Variants in FBXO46 observed in about 807,000 individuals in gnomAD.
FBXO46 encodes the protein F-box protein 46.
In FBXO46, 13 loss-of-function variants were observed where a neutral mutation model predicts 30.7. The observed-to-expected ratio is 0.42, with a 90% CI of 0.28 to 0.67. The LOEUF is 0.67. Among genes scored for constraint, FBXO46 ranks in the 30% least tolerant of loss-of-function variants. The pLI, the probability that FBXO46 is intolerant of heterozygous loss-of-function variation, is 0.21. For synonymous variants in FBXO46, 467 were observed against 385.8 expected, an observed-to-expected ratio of 1.21 and a Z score of -2.47; for missense variants, 754 against 871.5, an observed-to-expected ratio of 0.87 and a Z score of 1.70.
rs1427489160 is a variant in FBXO46 at position 45,712,925 on chromosome 19, GGTA to G, written c.568_570del (p.Tyr190del). 6.2e-7 allele frequency: 1 copy of G among 1,606,270 alleles called. No individual in the cohort carries two copies. Among genetic ancestry groups the G allele is most frequent in the Non-Finnish European group, 8.5e-7 (1 of 1,176,820 alleles). On this transcript the variant is annotated inframe_deletion, in exon 2 of 2. Coordinates refer to ENST00000317683, the MANE Select transcript of FBXO46 (RefSeq NM_001080469.2). This position sits in a 1 kb window ranked among gnomAD's most constrained non-coding sequence, Gnocchi z 8.8. Reference sequence around the variant, plus strand: ...ACAGGCGCTGGGGTGGTCGGTCGTGGGTAGCTCTGCAGGGCCAGGGCTGCCCGC... The same window carrying G: ...ACAGGCGCTGGGGTGGTCGGTCGTGGGCTCTGCAGGGCCAGGGCTGCCCGC...
upstream of FBXO46, chr19:45,730,945 G>T (rs1221212645): frequency 6.6e-6 from 1 of 152,148 alleles, no homozygotes; most frequent in African/African-American, 2.4e-5. Context: ...AGCCCGCTGG[G>T]AATTGAAGTC....
chr19:45,712,290 C>T lies in FBXO46; in HGVS notation c.1206G>A (p.Pro402=), dbSNP rs1480661103. ...TVCLTVSPEE[P]PPPGQLFFLQ... The stretch of plus-strand genomic sequence containing the variant: ...GAAAGAAGAGCTGGCCCGGAGGCGG[C>T]GGTTCCTCCGGGCTGACCGTCAGGC... The change falls in exon 2 of 2, where the codon CCG becomes CCA. Residue 402 remains proline, a synonymous_variant. Transcript: ENST00000317683. The surrounding 1 kb of genome is among the most constrained non-coding windows in gnomAD (Gnocchi z 8.8). The T allele has an allele frequency of 1.2e-6, 2 of 1,602,670 alleles. No individual in the cohort carries two copies. Among genetic ancestry groups the T allele is most frequent in the South Asian group, 1.1e-5 (1 of 91,080 alleles).
At position 45,712,732 on chromosome 19, in the gene FBXO46, C is replaced by T. The variant is rs765959790; in HGVS notation, c.764G>A (p.Gly255Asp). The change falls in exon 2 of 2, where the codon GGC becomes GAC. Residue 255 changes from glycine to aspartate, a missense_variant. This residue lies in a region of FBXO46 where 454 missense variants were observed against 426.5 expected (regional missense o/e 1.06). Transcript: ENST00000317683. The surrounding 1 kb of genome is among the most constrained non-coding windows in gnomAD (Gnocchi z 8.8). Reference sequence around the variant, plus strand: ...GAAGGCGATGCGCACCTCCCCAGGGCCTGGCCCGGGCCGCTCTTCCTTGCG... The same window carrying T: ...GAAGGCGATGCGCACCTCCCCAGGGTCTGGCCCGGGCCGCTCTTCCTTGCG... ...GLRKEERPGP[G>D]PGEVRIAFRI... is the part of the protein sequence containing the mutation. The T allele has an allele frequency of 2.5e-6, 4 of 1,611,884 alleles. No individual in the cohort carries two copies. In the East Asian group the frequency reaches 8.9e-5, roughly 36 times the overall value.
chr19:45,732,067 A>T (rs1422126787), upstream of FBXO46, among the ~76,000 whole-genome samples: 1 of 151,218 alleles, frequency 6.6e-6, no homozygotes, highest in Non-Finnish European at 1.5e-5. Flanking sequence ...CAGTGAGCCG[A>T]GATCGCGCCA....
At chr19:45,729,195 C>T (rs1349600149) in intron 1 of FBXO46, among the ~76,000 whole-genome samples, 5 of 151,732 alleles carry the variant, frequency 3.3e-5, no homozygotes, top group Admixed American at 2.0e-4. Flanking sequence ...TTTGGGAGGC[C>T]GAGGCGGGTG....
chr19:45,723,132 G>C lies in FBXO46; in HGVS notation c.-79+7717C>G, dbSNP rs148273601. Among the ~76,000 whole-genome samples the C allele has an allele frequency of 8.4e-4, 128 of 152,282 alleles. 1 individual carries two copies. The highest frequency in any genetic ancestry group is 1.2e-3 in the Non-Finnish European group (83 of 68,018). On this transcript the variant is annotated intron_variant, in intron 1 of 1. Coordinates refer to ENST00000317683, the MANE Select transcript of FBXO46 (RefSeq NM_001080469.2). ...CTCATGCCTTAATCCCAGCACTTTG[G>C]GGGGCCAGGGCAGAAGGATCGCTTG...
At position 45,711,372 on chromosome 19, in the gene FBXO46, T is replaced by G; in HGVS notation, c.*312A>C. Reference sequence around the variant, plus strand: ...TTAGCTGCCGTCTGCTCCCTGCTGGTGGGTCCTTGGGGTGGAAAGCATGGC... The same window carrying G: ...TTAGCTGCCGTCTGCTCCCTGCTGGGGGGTCCTTGGGGTGGAAAGCATGGC... On this transcript the variant is annotated 3_prime_UTR_variant, in exon 2 of 2. Coordinates refer to ENST00000317683, the MANE Select transcript of FBXO46 (RefSeq NM_001080469.2). 2 of 560,136 alleles carry G rather than the reference T, an allele frequency of 3.6e-6. No individual in the cohort carries two copies. Among genetic ancestry groups the G allele is most frequent in the South Asian group, 3.1e-5 (2 of 64,110 alleles). 34.7% of individuals were successfully genotyped at this position (560,136 alleles called of 1,614,324 possible). A position where few individuals can be genotyped will look rare whatever the true frequency, so the allele number is the denominator to read the frequency against.
chr19:45,726,170 C>T (rs1230928434), intron 1 of FBXO46, among the ~76,000 whole-genome samples: 1 of 151,706 alleles, frequency 6.6e-6, no homozygotes, highest in Non-Finnish European at 1.5e-5. Flanking sequence ...AGTGAGAACC[C>T]GTCTCTACAA....
Position 45,712,728 on chromosome 19 carries a change from A to T in FBXO46, c.768T>A (p.Pro256=). 6.2e-7 allele frequency: 1 copy of T among 1,612,084 alleles called. No homozygotes were observed. Among genetic ancestry groups the T allele is most frequent in the South Asian group, 1.1e-5 (1 of 90,928 alleles). Residue 256 remains proline (P), a synonymous_variant, in exon 2 of 2, where the codon CCT becomes CCA. Transcript: ENST00000317683. This position sits in a 1 kb window ranked among gnomAD's most constrained non-coding sequence, Gnocchi z 8.8. ...LRKEERPGPG[P]GEVRIAFRIS... ...TGCGGAAGGCGATGCGCACCTCCCC[A>T]GGGCCTGGCCCGGGCCGCTCTTCCT...
rs780883646 is a variant in FBXO46, at chr19:45,712,276, T to A, written c.1220A>T (p.Gln407Leu). The part of the protein sequence containing the change: ...VSPEEPPPPG[Q>L]LFFLQNRGPD... Reference sequence around the variant, plus strand: ...CCCGCGGTTCTGGAGAAAGAAGAGCTGGCCCGGAGGCGGCGGTTCCTCCGG... The same window carrying A: ...CCCGCGGTTCTGGAGAAAGAAGAGCAGGCCCGGAGGCGGCGGTTCCTCCGG... Residue 407 changes from glutamine (Q) to leucine (L), a missense_variant, in exon 2 of 2, where the codon CAG (glutamine) becomes CTG (leucine). Around this residue, in one of 5 missense-constraint regions of FBXO46, gnomAD observed 454 missense variants for 426.5 expected, o/e 1.06. Coordinates refer to ENST00000317683, the MANE Select transcript of FBXO46 (RefSeq NM_001080469.2). This position sits in a 1 kb window ranked among gnomAD's most constrained non-coding sequence, Gnocchi z 8.8. 6.2e-7 allele frequency: 1 copy of A among 1,604,070 alleles called. No homozygotes were observed. The highest frequency in any genetic ancestry group is 1.1e-5 in the South Asian group (1 of 91,068).
chr19:45,714,121 T>C (rs771620590), intron 1 of FBXO46, among the ~76,000 whole-genome samples: 2 of 152,104 alleles, frequency 1.3e-5, no homozygotes, highest in Non-Finnish European at 2.9e-5. Flanking sequence ...CCTACCCCAC[T>C]GTCCAACTGC....
At chr19:45,729,551 G>C (rs1010173268) in intron 1 of FBXO46, among the ~76,000 whole-genome samples, 1 of 152,270 alleles carries the variant, frequency 6.6e-6, no homozygotes, top group South Asian at 2.1e-4. Context: ...AGTATGGAGA[G>C]AGGACTAAAT....
At chr19:45,716,130 G>T (rs1968088021) in intron 1 of FBXO46, 1 of 152,160 alleles carries the variant, frequency 6.6e-6, no homozygotes, top group Non-Finnish European at 1.5e-5. Context: ...GACACTGATA[G>T]GATATGCTCA....
Position 45,711,692 on chromosome 19 carries a change from C to T in FBXO46, c.1804G>A (p.Gly602Arg). ...CCTCCCCTCCCCCGGCTTCACCTCC[C>T]CTCCTCCCGGCCGGCCCGGCCCCCG... is the stretch of plus-strand genomic sequence containing the variant. ...PGGGRAGREE[G>R]R is the part of the protein sequence containing the mutation. Residue 602 changes from glycine to arginine, a missense_variant, in exon 2 of 2, where the codon GGG becomes AGG. Physicochemically the swap from Gly to Arg is moderately radical, Grantham distance 125. Coordinates refer to ENST00000317683, the MANE Select transcript of FBXO46 (RefSeq NM_001080469.2). 1 of 1,530,138 alleles carries T rather than the reference C, an allele frequency of 6.5e-7. No homozygotes were observed. The highest frequency in any genetic ancestry group is 2.5e-5 in the East Asian group (1 of 40,732). 94.8% of individuals were successfully genotyped at this position (1,530,138 alleles called of 1,614,324 possible).
intron 1 of FBXO46, among the ~76,000 whole-genome samples, chr19:45,722,026 G>T (rs543045584): frequency 6.6e-6 from 1 of 152,174 alleles, no homozygotes; most frequent in African/African-American, 2.4e-5. Flanking sequence ...GTTTCACCAT[G>T]TTGGCCAGGC....
chr19:45,725,665 T>C (rs116715657), intron 1 of FBXO46, among the ~76,000 whole-genome samples: 2,464 of 151,690 alleles, frequency 0.016, 69 homozygotes, highest in African/African-American at 0.056. Flanking sequence ...GCCCGGGAGG[T>C]AGAGGTTGCA....
In FBXO46 at chr19:45,712,552, G is replaced by A. The variant is rs1372534448; in HGVS notation, c.944C>T (p.Ser315Leu). The change falls in exon 2 of 2, where the codon TCG becomes TTG. Residue 315 changes from serine to leucine, a missense_variant. By Grantham distance (145) the Ser-to-Leu change is moderately radical. This residue lies in a region of FBXO46 where 454 missense variants were observed against 426.5 expected (regional missense o/e 1.06). Transcript: ENST00000317683. This position sits in a 1 kb window ranked among gnomAD's most constrained non-coding sequence, Gnocchi z 8.8. ...CACGTTGCTGGGGAGGGCATCCCGC[G>A]AGGGGCTGATGAGCTGGTATAAGTC... is the stretch of plus-strand genomic sequence containing the variant. ...TCDLYQLISP[S>L]RDALPSNVEF... 1.3e-6 allele frequency: 2 copies of A among 1,597,472 alleles called. No homozygotes were observed. The highest frequency in any genetic ancestry group is 1.3e-5 in the African/African-American group (1 of 74,734).
Position 45,712,492 on chromosome 19 carries a change from T to C in FBXO46, c.1004A>G (p.Glu335Gly). ...CCTGGCGGGTGCCGGGCTGTCACCC[T>C]CACTGGCCTCATCCGCCCTGGCCAG... The part of the protein sequence containing the change: ...FLLARADEAS[E>G]GDSPAPARPE... The change falls in exon 2 of 2, where the codon GAG (glutamate) becomes GGG (glycine). Residue 335 changes from glutamate (E) to glycine (G), a missense_variant. Glu to Gly is a moderately conservative substitution (Grantham distance 98). This residue lies in a region of FBXO46 where 454 missense variants were observed against 426.5 expected (regional missense o/e 1.06). Transcript: ENST00000317683. This position sits in a 1 kb window ranked among gnomAD's most constrained non-coding sequence, Gnocchi z 8.8. 1 of 1,606,498 alleles carries C rather than the reference T, an allele frequency of 6.2e-7. No individual in the cohort carries two copies. Among genetic ancestry groups the C allele is most frequent in the Non-Finnish European group, 8.5e-7 (1 of 1,176,160 alleles).
Position 45,711,656 on chromosome 19 carries a change from G to A in FBXO46, c.*28C>T, listed in dbSNP as rs1045304195. ...GGGGGAGAGGGGAGGGGTGGGCGTG[G>A]TGGGCTCTCCCCTCCCCTCCCCCGG... On this transcript the variant is annotated 3_prime_UTR_variant, in exon 2 of 2. Coordinates refer to ENST00000317683, the MANE Select transcript of FBXO46 (RefSeq NM_001080469.2). 18 of 1,500,458 alleles carry A rather than the reference G, an allele frequency of 1.2e-5. No individual in the cohort carries two copies. Among genetic ancestry groups the A allele is most frequent in the Non-Finnish European group, 1.3e-5 (15 of 1,115,490 alleles). 92.9% of individuals were successfully genotyped at this position (1,500,458 alleles called of 1,614,324 possible).
Sources: gnomAD v4.1 joint callset for allele counts (sites outside exome capture counted in the v4.1 genomes callset) on GRCh38, gnomAD v4.1.1 for gene constraint, gnomAD v4.1.1 regional missense constraint, Gnocchi (gnomAD v3.1) non-coding constraint, MANE v1.5 for transcripts, NCBI Gene and HGNC (gene_info 2026-07-23, HGNC 2026-07-21) for gene names.